Variants in SIM1 observed in about 807,000 individuals in gnomAD.
SIM1 encodes SIM bHLH transcription factor 1.
Under a neutral mutation model 78.2 loss-of-function variants are expected in SIM1, and 18 were observed. That is an observed-to-expected ratio of 0.23 (90% CI 0.16 to 0.34). SIM1 has a LOEUF of 0.34. Among genes scored for constraint, SIM1 ranks in the 10% least tolerant of loss-of-function variants. The probability of loss-of-function intolerance (pLI) is 1.00; values close to 1 mark genes in which losing one functional copy is unlikely to be tolerated. For synonymous variants in SIM1, 417 were observed against 385.2 expected (o/e 1.08, Z -0.97); for missense variants, 939 against 975.1 (o/e 0.96, Z 0.49).
intron 10 of SIM1, among the ~76,000 whole-genome samples, chr6:100,406,816 G>A (rs886678527): frequency 4.6e-5 from 7 of 152,034 alleles, no homozygotes; most frequent in East Asian, 1.9e-4. Context: ...ACCTCACATC[G>A]TTACCTTTTG....
intron 10 of SIM1, among the ~76,000 whole-genome samples, chr6:100,407,418 G>A (rs1771077916): frequency 6.6e-6 from 1 of 152,128 alleles, no homozygotes; most frequent in African/African-American, 2.4e-5. Context: ...CAATGAACAT[G>A]AGAGTGCAGA....
chr6:100,395,563 A>T (rs542720788), intron 10 of SIM1, among the ~76,000 whole-genome samples: 1 of 152,346 alleles, frequency 6.6e-6, no homozygotes, highest in East Asian at 1.9e-4. Context: ...ACCAAAATAC[A>T]AGTCCATTTT....
intron 2 of SIM1, among the ~76,000 whole-genome samples, chr6:100,454,345 T>G (rs1011458482): frequency 8.5e-5 from 13 of 152,314 alleles, no homozygotes; most frequent in African/African-American, 3.1e-4. Context: ...CTGCGGGGCT[T>G]CTAGCCACTC....
rs754523193 is a variant in SIM1, at chr6:100,449,625, G to A, written c.423C>T (p.Thr141=). The A allele has an allele frequency of 2.5e-5, 41 of 1,614,012 alleles. No homozygotes were observed. In the Admixed American group the frequency reaches 3.2e-4, roughly 12 times the overall value. Reference sequence around the variant, plus strand: ...AGTGAGAGTGGTAGGGTTGATGGGCGGTGAGCACCGCCGTCATCTCGTCGT... The same window carrying A: ...AGTGAGAGTGGTAGGGTTGATGGGCAGTGAGCACCGCCGTCATCTCGTCGT... ...ADHDEMTAVL[T]AHQPYHSHFV... Residue 141 remains threonine, a synonymous_variant, in exon 5 of 12, where the codon ACC becomes ACT. Transcript: ENST00000369208.
chr6:100,421,409 G>C (rs896016441), intron 9 of SIM1, among the ~76,000 whole-genome samples: 6 of 152,116 alleles, frequency 3.9e-5, no homozygotes, highest in African/African-American at 1.4e-4. Context: ...GTTTAAGCAG[G>C]ATTATAAATA....
At chr6:100,409,657 T>A (rs1399750536) in intron 10 of SIM1, among the ~76,000 whole-genome samples, 1 of 152,152 alleles carries the variant, frequency 6.6e-6, no homozygotes, top group Non-Finnish European at 1.5e-5. Flanking sequence ...ATTTTTTTCT[T>A]AATGTAAGTG....
chr6:100,393,512 G>A lies in SIM1; in HGVS notation c.1545C>T (p.His515=), dbSNP rs758013576. 10 of 1,560,954 alleles carry A rather than the reference G, an allele frequency of 6.4e-6. No individual in the cohort carries two copies. The highest frequency in any genetic ancestry group is 2.4e-5 in the South Asian group (2 of 84,122). ...CATGGATCCTGTGGACTGAAGCGAT[G>A]TGAGGCATGCTGTTTTCATAGGCTT... The part of the protein sequence containing the change: ...SREAYENSMP[H]IASVHRIHGR... The change falls in exon 11 of 12, where the codon CAC becomes CAT. Residue 515 remains histidine (H), a synonymous_variant. Coordinates refer to ENST00000369208, the MANE Select transcript of SIM1 (RefSeq NM_005068.3).
chr6:100,419,674 C>T (rs1771511107), intron 10 of SIM1, among the ~76,000 whole-genome samples: 1 of 152,076 alleles, frequency 6.6e-6, no homozygotes, highest in Non-Finnish European at 1.5e-5. Flanking sequence ...GATAGAGTCT[C>T]ACTGTCGCCC....
At chr6:100,421,782 G>T (rs543825918) in intron 9 of SIM1, among the ~76,000 whole-genome samples, 1 of 152,266 alleles carries the variant, frequency 6.6e-6, no homozygotes, top group African/African-American at 2.4e-5. Context: ...AGACAGCAGC[G>T]AGTCTCATCG....
At chr6:100,400,368 C>T (rs1770882374) in intron 10 of SIM1, among the ~76,000 whole-genome samples, 1 of 151,824 alleles carries the variant, frequency 6.6e-6, no homozygotes, top group African/African-American at 2.4e-5. Flanking sequence ...CAAAGAAAAC[C>T]TCAGTAAATT....
At chr6:100,450,696 T>TCTCTCTCACA (rs1421452803) in intron 3 of SIM1, among the ~76,000 whole-genome samples, 5,213 of 91,752 alleles carry the variant, frequency 0.057, 179 homozygotes, top group Non-Finnish European at 0.079. Flanking sequence ...TCTCTCTCTC[T>TCTCTCTCACA]CACACACACA....
At position 100,390,277 on chromosome 6, in the gene SIM1, T is replaced by A. The variant is rs1770602665; in HGVS notation, c.*84A>T. On this transcript the variant is annotated 3_prime_UTR_variant, in exon 12 of 12. Coordinates refer to ENST00000369208, the MANE Select transcript of SIM1 (RefSeq NM_005068.3). ...TTAAGTTATACTCTCTAACAATCTG[T>A]GGCATAGTAAATGCTGGTAATGGGG... 2.1e-6 allele frequency: 3 copies of A among 1,422,812 alleles called. No individual in the cohort carries two copies. The South Asian group carries it at 4.1e-5, about 19-fold the overall frequency. The allele number at this position is 1,422,812 out of a possible 1,614,324, so 88.1% of individuals were successfully genotyped here. A position where few individuals can be genotyped will look rare whatever the true frequency, so the allele number is the denominator to read the frequency against.
intron 10 of SIM1, among the ~76,000 whole-genome samples, chr6:100,419,723 C>A (rs901670769): frequency 1.3e-5 from 2 of 152,104 alleles, no homozygotes; most frequent in South Asian, 4.1e-4. Flanking sequence ...CTCACTGCAA[C>A]CTCTGTCGCC....
In SIM1 at chr6:100,393,658, A is replaced by G; in HGVS notation, c.1399T>C (p.Cys467Arg). ...VEERHFHTQA[C>R]EGGRCEAGRY... ...CCTGCCTCACATCGGCCTCCTTCAC[A>G]GGCCTGGGTATGGAAATGCCTCTCT... The change falls in exon 11 of 12, where the codon TGT (cysteine) becomes CGT (arginine). Residue 467 changes from cysteine (C) to arginine (R), a missense_variant. By Grantham distance (180) the Cys-to-Arg change is radical. Coordinates refer to ENST00000369208, the MANE Select transcript of SIM1 (RefSeq NM_005068.3). 1.2e-6 allele frequency: 2 copies of G among 1,614,028 alleles called. No homozygotes were observed. The highest frequency in any genetic ancestry group is 1.7e-6 in the Non-Finnish European group (2 of 1,179,876).
Position 100,385,649 on chromosome 6 carries a change from G to A in SIM1, c.*4712C>T, listed in dbSNP as rs1401772927. 1 of 145,094 alleles carries A rather than the reference G, an allele frequency of 6.9e-6. No homozygotes were observed. The highest frequency in any genetic ancestry group is 2.6e-5 in the African/African-American group (1 of 38,812). The allele number at this position is 145,094 out of a possible 1,614,324, so 9.0% of individuals were successfully genotyped here. On this transcript the variant is annotated 3_prime_UTR_variant, in exon 12 of 12. Coordinates refer to ENST00000369208, the MANE Select transcript of SIM1 (RefSeq NM_005068.3). ...AATTAGCAATTAGGATTTCTTATGTGAACCATCATTTATTTATTTATGTGT... is the reference window on the plus strand; with the variant it reads ...AATTAGCAATTAGGATTTCTTATGTAAACCATCATTTATTTATTTATGTGT...
intron 10 of SIM1, among the ~76,000 whole-genome samples, chr6:100,416,872 A>T (rs1019299484): frequency 1.3e-5 from 2 of 152,090 alleles, no homozygotes; most frequent in African/African-American, 4.8e-5. Flanking sequence ...TTCAGTTTAG[A>T]TCTTCATAGA....
chr6:100,425,293 G>T (rs1771697449), intron 9 of SIM1, among the ~76,000 whole-genome samples: 1 of 152,160 alleles, frequency 6.6e-6, no homozygotes. Context: ...TTTATCAGCA[G>T]TGTGAAAACG....
chr6:100,431,858 C>T (rs1422512896), intron 9 of SIM1, among the ~76,000 whole-genome samples: 1 of 152,042 alleles, frequency 6.6e-6, no homozygotes, highest in African/African-American at 2.4e-5. Flanking sequence ...AAGCCGATGG[C>T]CCAGAAAGAG....
intron 9 of SIM1, among the ~76,000 whole-genome samples, chr6:100,435,200 G>A (rs1772012562): frequency 6.6e-6 from 1 of 152,066 alleles, no homozygotes; most frequent in South Asian, 2.1e-4. Context: ...AAAAAAGAGA[G>A]TAAACTGTCC....
Sources: allele counts gnomAD v4.1 joint callset (sites outside exome capture counted in the v4.1 genomes callset), GRCh38; gene constraint gnomAD v4.1.1; transcripts MANE v1.5; gene names NCBI Gene and HGNC (gene_info 2026-07-23, HGNC 2026-07-21).